Variants in TRAK1 observed in about 807,000 individuals in gnomAD.
The protein encoded by TRAK1 is trafficking kinesin protein 1.
In TRAK1, 33 loss-of-function variants were observed where a neutral mutation model predicts 92.1. That is an observed-to-expected ratio of 0.36 (90% CI 0.27 to 0.48). TRAK1 has a LOEUF of 0.48. Among genes scored for constraint, TRAK1 ranks in the 20% least tolerant of loss-of-function variants. The pLI, the probability that TRAK1 is intolerant of heterozygous loss-of-function variation, is 0.99. For synonymous variants in TRAK1, 521 were observed against 517.3 expected (o/e 1.01, Z -0.10); for missense variants, 1,123 against 1,257.9 (o/e 0.89, Z 1.62).
intron 2 of TRAK1, among the ~76,000 whole-genome samples, chr3:42,171,845 A>T (rs755437018): frequency 1.3e-5 from 2 of 152,080 alleles, no homozygotes; most frequent in Non-Finnish European, 2.9e-5. Context: ...CATCTCCTGG[A>T]TGCTGGAAGA....
At chr3:42,123,857 T>C (rs908482535) in intron 1 of TRAK1, among the ~76,000 whole-genome samples, 15 of 152,180 alleles carry the variant, frequency 9.9e-5, no homozygotes, top group Non-Finnish European at 1.6e-4. Context: ...AAGAATTGAC[T>C]TCAGGCCCAG....
chr3:42,057,952 A>G (rs1703265805), intron 1 of TRAK1, among the ~76,000 whole-genome samples: 3 of 152,204 alleles, frequency 2.0e-5, no homozygotes, highest in Non-Finnish European at 1.5e-5. Flanking sequence ...AAACCTGAAC[A>G]TGTCATTCAG....
intron 2 of TRAK1, among the ~76,000 whole-genome samples, chr3:42,155,884 T>C (rs144768443): frequency 5.3e-5 from 8 of 152,310 alleles, no homozygotes; most frequent in African/African-American, 1.9e-4. Context: ...AGATGACTTC[T>C]ATGGAGTATG....
chr3:42,204,958 A>C (rs1708159649), intron 13 of TRAK1, among the ~76,000 whole-genome samples: 1 of 152,118 alleles, frequency 6.6e-6, no homozygotes, highest in Non-Finnish European at 1.5e-5. Flanking sequence ...TACCATGTTT[A>C]ATATGATAAG....
chr3:42,116,840 C>G (rs950117293), intron 1 of TRAK1, among the ~76,000 whole-genome samples: 13 of 152,102 alleles, frequency 8.5e-5, no homozygotes, highest in African/African-American at 3.1e-4. Flanking sequence ...AGATGGACCT[C>G]TGTATGGTGG....
intron 2 of TRAK1, among the ~76,000 whole-genome samples, chr3:42,173,672 T>A (rs1702842996): frequency 6.6e-6 from 1 of 152,236 alleles, no homozygotes; most frequent in African/African-American, 2.4e-5. Context: ...GGAGCCAGAC[T>A]GGCCTCGGTG....
At chr3:42,124,020 C>G (rs9810405) in intron 1 of TRAK1, among the ~76,000 whole-genome samples, 6,327 of 152,014 alleles carry the variant, frequency 0.042, 434 homozygotes, top group African/African-American at 0.14. Context: ...CATCAGTGGT[C>G]CTGGCTACTC....
chr3:42,025,154 C>A (rs115759150), intron 1 of TRAK1, among the ~76,000 whole-genome samples: 1 of 152,156 alleles, frequency 6.6e-6, no homozygotes, highest in Non-Finnish European at 1.5e-5. Flanking sequence ...CTCCCTGCCC[C>A]GCTTTCTGCT....
At chr3:42,073,744 G>A (rs946816497) in intron 1 of TRAK1, among the ~76,000 whole-genome samples, 8 of 152,100 alleles carry the variant, frequency 5.3e-5, no homozygotes, top group African/African-American at 1.7e-4. Flanking sequence ...TTTCCACTGC[G>A]CAGCCACTTG....
chr3:42,047,089 A>G (rs1306145013), intron 1 of TRAK1, among the ~76,000 whole-genome samples: 1 of 151,938 alleles, frequency 6.6e-6, no homozygotes, highest in Non-Finnish European at 1.5e-5. Flanking sequence ...ATTAGCTTGT[A>G]CTTTTTAAAA....
chr3:42,049,247 T>C (rs1482629461), intron 1 of TRAK1, among the ~76,000 whole-genome samples: 1 of 152,186 alleles, frequency 6.6e-6, no homozygotes, highest in Non-Finnish European at 1.5e-5. Flanking sequence ...TTGAAATAAT[T>C]TTCCCTCATA....
rs1160659182 is a variant in TRAK1, at chr3:42,223,532, C to T, written c.2657C>T (p.Pro886Leu). Residue 886 changes from proline to leucine, a missense_variant, in exon 16 of 16, where the codon CCC (proline) becomes CTC (leucine). Physicochemically the swap from Pro to Leu is moderately conservative, Grantham distance 98. Around this residue, in one of 3 missense-constraint regions of TRAK1, gnomAD observed 401 missense variants for 438.9 expected, o/e 0.91. Coordinates refer to ENST00000327628, the MANE Select transcript of TRAK1 (RefSeq NM_001042646.3). The surrounding 1 kb of genome is among the most constrained non-coding windows in gnomAD (Gnocchi z 6.1). ...GPPGPAPALV[P>L]RGLVPEGLPL... ...CCGGGGCCAGCACCAGCCCTTGTTCCCAGAGGCCTGGTACCTGAGGGCCTG... is the reference window on the plus strand; with the variant it reads ...CCGGGGCCAGCACCAGCCCTTGTTCTCAGAGGCCTGGTACCTGAGGGCCTG... 4 of 1,613,778 alleles carry T rather than the reference C, an allele frequency of 2.5e-6. No individual in the cohort carries two copies. The highest frequency in any genetic ancestry group is 3.4e-6 in the Non-Finnish European group (4 of 1,179,924).
rs748365019 is a variant in TRAK1, at chr3:42,184,764, A to T, written c.443A>T (p.Glu148Val). 1 of 1,613,964 alleles carries T rather than the reference A, an allele frequency of 6.2e-7. No homozygotes were observed. Among genetic ancestry groups the T allele is most frequent in the African/African-American group, 1.3e-5 (1 of 74,932 alleles). Reference protein sequence around the residue: ...KKNKTLTERNELLEEQVEHIR... With the variant: ...KKNKTLTERNVLLEEQVEHIR... Reference sequence around the variant, plus strand: ...AACAAGACCCTAACCGAGAGGAACGAGCTGCTGGAGGAGCAGGTGGAACAC... The same window carrying T: ...AACAAGACCCTAACCGAGAGGAACGTGCTGCTGGAGGAGCAGGTGGAACAC... The change falls in exon 4 of 16, where the codon GAG (glutamate) becomes GTG (valine). Residue 148 changes from glutamate (E) to valine (V), a missense_variant. By Grantham distance (121) the Glu-to-Val change is moderately radical. Coordinates refer to ENST00000327628, the MANE Select transcript of TRAK1 (RefSeq NM_001042646.3).
At chr3:42,120,692 C>T (rs1357361320) in intron 1 of TRAK1, among the ~76,000 whole-genome samples, 1 of 152,112 alleles carries the variant, frequency 6.6e-6, no homozygotes, top group African/African-American at 2.4e-5. Context: ...GGTTTACAGG[C>T]GCATGCCACC....
At chr3:42,090,680 C>CA (rs1205513758), upstream of TRAK1, among the ~76,000 whole-genome samples, 9 of 151,868 alleles carry the variant, frequency 5.9e-5, no homozygotes, top group African/African-American at 1.2e-4. Flanking sequence ...GAGACTCTCT[C>CA]AAAAAAACAA....
intron 1 of TRAK1, among the ~76,000 whole-genome samples, chr3:42,113,282 TAAA>T (rs556922818): frequency 3.3e-5 from 5 of 152,194 alleles, no homozygotes; most frequent in African/African-American, 9.6e-5. Flanking sequence ...ATTTAACCAT[TAAA>T]AAAATTAATT....
intron 1 of TRAK1, among the ~76,000 whole-genome samples, chr3:42,067,468 C>G (rs1466561709): frequency 1.3e-5 from 2 of 152,184 alleles, no homozygotes; most frequent in African/African-American, 4.8e-5. Flanking sequence ...TTTTCAAAAA[C>G]ACAAGGCTGT....
chr3:42,089,675 A>AC (rs3073728), upstream of TRAK1, among the ~76,000 whole-genome samples: 9,160 of 132,684 alleles, frequency 0.069, 860 homozygotes, highest in African/African-American at 0.21. Flanking sequence ...GCTTTTTGTG[A>AC]CCCCCCCCCA....
intron 1 of TRAK1, among the ~76,000 whole-genome samples, chr3:42,123,941 G>A (rs1042607095): frequency 1.3e-5 from 2 of 152,056 alleles, no homozygotes; most frequent in African/African-American, 2.4e-5. Flanking sequence ...CCAGGAGTTC[G>A]AGACCCACCT....
Sources: allele counts gnomAD v4.1 joint callset (sites outside exome capture counted in the v4.1 genomes callset), GRCh38; gene constraint gnomAD v4.1.1; regional missense constraint gnomAD v4.1.1; non-coding constraint Gnocchi (gnomAD v3.1); transcripts MANE v1.5; gene names NCBI Gene and HGNC (gene_info 2026-07-23, HGNC 2026-07-21).